Variants in EDN1 observed in about 807,000 individuals in gnomAD.
The protein encoded by EDN1 is endothelin-1.
In EDN1, 11 loss-of-function variants were observed where a neutral mutation model predicts 21.7. That is an observed-to-expected ratio of 0.51 (90% confidence interval 0.32 to 0.84). The LOEUF (loss-of-function observed/expected upper bound fraction) is 0.84. Among genes scored for constraint, EDN1 ranks in the 40% least tolerant of loss-of-function variants. The pLI, the probability that EDN1 is intolerant of heterozygous loss-of-function variation, is 0.03. For synonymous variants in EDN1, 85 were observed against 90.6 expected, an observed-to-expected ratio of 0.94 and a Z score of 0.35; for missense variants, 244 against 262.3, an observed-to-expected ratio of 0.93 and a Z score of 0.48.
chr6:12,253,704 C>A, the EDN1 span, among the ~76,000 whole-genome samples: 35,133 of 152,028 alleles, frequency 0.23, 4,976 homozygotes, highest in Non-Finnish European at 0.32. Flanking sequence ...ACTACTACTA[C>A]TAATAATAAA....
intron 4 of EDN1, 128 bp from the exon 5 acceptor site, chr6:12,295,834 G>A (rs1400128550): frequency 2.4e-5 from 19 of 791,126 alleles, no homozygotes; most frequent in South Asian, 9.2e-5. Context: ...AAAGAGTTGC[G>A]GCGGGTGGTG....
the EDN1 span, among the ~76,000 whole-genome samples, chr6:12,245,071 G>A: frequency 1.3e-5 from 2 of 152,160 alleles, no homozygotes; most frequent in African/African-American, 4.8e-5. Context: ...GTCACAAAAT[G>A]TCTTTTAAAA....
At chr6:12,289,183 A>T (rs570271676), upstream of EDN1, among the ~76,000 whole-genome samples, 15 of 152,316 alleles carry the variant, frequency 9.8e-5, no homozygotes, top group African/African-American at 3.1e-4. Flanking sequence ...TTGAAAATGT[A>T]AACACATTAT....
At chr6:12,257,064 C>T in the EDN1 span, among the ~76,000 whole-genome samples, 1 of 152,086 alleles carries the variant, frequency 6.6e-6, no homozygotes, top group African/African-American at 2.4e-5. Flanking sequence ...AATGAGGAAC[C>T]AAAAACACAT....
At chr6:12,256,773 T>C in the EDN1 span, among the ~76,000 whole-genome samples, 1 of 152,226 alleles carries the variant, frequency 6.6e-6, no homozygotes, top group African/African-American at 2.4e-5. Context: ...TGTATAGTAG[T>C]AGTAATCTTT....
At chr6:12,237,830 T>A in the EDN1 span, among the ~76,000 whole-genome samples, 1 of 152,140 alleles carries the variant, frequency 6.6e-6, no homozygotes, top group African/African-American at 2.4e-5. Context: ...TGGGCATTTC[T>A]CATGTACTCA....
At chr6:12,263,089 T>C in the EDN1 span, among the ~76,000 whole-genome samples, 1 of 152,202 alleles carries the variant, frequency 6.6e-6, no homozygotes, top group African/African-American at 2.4e-5. Context: ...AGCTCTATCA[T>C]CTTAAAAATA....
the EDN1 span, among the ~76,000 whole-genome samples, chr6:12,256,230 A>T: frequency 6.6e-6 from 1 of 152,156 alleles, no homozygotes; most frequent in African/African-American, 2.4e-5. Context: ...GTGCACGTCT[A>T]CAGTCCCAGC....
the EDN1 span, among the ~76,000 whole-genome samples, chr6:12,279,068 T>G: frequency 6.6e-6 from 1 of 152,216 alleles, no homozygotes; most frequent in African/African-American, 2.4e-5. Context: ...GACTCCCAAT[T>G]TAGTCATCAT....
At chr6:12,266,443 A>G in the EDN1 span, among the ~76,000 whole-genome samples, 2 of 152,216 alleles carry the variant, frequency 1.3e-5, no homozygotes, top group African/African-American at 2.4e-5. Flanking sequence ...GTGCTAATCA[A>G]TGCCCTGGAA....
At chr6:12,293,759 TAC>T (rs1283362623) in intron 2 of EDN1, among the ~76,000 whole-genome samples, 180 bp from the exon 3 acceptor site, 2 of 152,220 alleles carry the variant, frequency 1.3e-5, no homozygotes, top group African/African-American at 4.8e-5. Flanking sequence ...CCTGGATACA[TAC>T]AGTCAGGGCC....
chr6:12,245,316 C>A, the EDN1 span, among the ~76,000 whole-genome samples: 1 of 152,200 alleles, frequency 6.6e-6, no homozygotes, highest in Non-Finnish European at 1.5e-5. Context: ...GCCTAGGAAA[C>A]TGGCGGTGGA....
upstream of EDN1, among the ~76,000 whole-genome samples, chr6:12,286,958 A>T (rs1001587536): frequency 3.3e-5 from 5 of 152,004 alleles, no homozygotes; most frequent in African/African-American, 9.7e-5. Flanking sequence ...CTACGAAAAA[A>T]TTTTAAAACT....
chr6:12,281,284 T>G, the EDN1 span, among the ~76,000 whole-genome samples: 1 of 152,240 alleles, frequency 6.6e-6, no homozygotes, highest in Non-Finnish European at 1.5e-5. Context: ...CCTCTGTCCT[T>G]TGCACATTTT....
the EDN1 span, among the ~76,000 whole-genome samples, chr6:12,255,897 G>A: frequency 6.6e-5 from 10 of 152,210 alleles, no homozygotes; most frequent in African/African-American, 2.4e-4. Flanking sequence ...TCTCTCTAAA[G>A]ATATGTTGGA....
chr6:12,259,821 C>G, the EDN1 span, among the ~76,000 whole-genome samples: 2 of 151,972 alleles, frequency 1.3e-5, no homozygotes, highest in African/African-American at 4.8e-5. Context: ...CAAGAACCTC[C>G]TCTCTTTCAT....
chr6:12,270,978 C>T, the EDN1 span, among the ~76,000 whole-genome samples: 1 of 152,086 alleles, frequency 6.6e-6, no homozygotes, highest in South Asian at 2.1e-4. Context: ...CATATATTTA[C>T]AATTGTCATA....
upstream of EDN1, among the ~76,000 whole-genome samples, chr6:12,286,527 T>A (rs903820216): frequency 6.6e-6 from 1 of 152,234 alleles, no homozygotes; most frequent in East Asian, 1.9e-4. Flanking sequence ...GATAAAATAC[T>A]TCCTCATTCT....
the EDN1 span, among the ~76,000 whole-genome samples, chr6:12,232,599 A>C: frequency 1.3e-5 from 2 of 152,146 alleles, no homozygotes; most frequent in Non-Finnish European, 2.9e-5. Context: ...GCCTTACCGC[A>C]GTGTTAGTGG....
Sources: gnomAD v4.1 joint callset for allele counts (sites outside exome capture counted in the v4.1 genomes callset) on GRCh38, gnomAD v4.1.1 for gene constraint, MANE v1.5 for transcripts, NCBI Gene and HGNC (gene_info 2026-07-23, HGNC 2026-07-21) for gene names.